The following IGF1R variants were observed in gnomAD, a reference collection of about 807,000 sequenced individuals.
The protein encoded by IGF1R is insulin-like growth factor 1 receptor.
IGF1R carries 44 observed loss-of-function variants against 144.6 expected under a neutral mutation model. That is an observed-to-expected ratio of 0.30 (90% CI 0.24 to 0.39). IGF1R has a LOEUF of 0.39. IGF1R is among the 10% of genes least tolerant of loss of function. IGF1R has a pLI of 1.00. For synonymous variants in IGF1R, 795 were observed against 722.8 expected (o/e 1.10, Z -1.60); for missense variants, 1,355 against 1,833.7 (o/e 0.74, Z 4.77).
intron 2 of IGF1R, among the ~76,000 whole-genome samples, chr15:98,763,959 G>C (rs1446361340): frequency 6.6e-6 from 1 of 152,198 alleles, no homozygotes; most frequent in Admixed American, 6.5e-5. Flanking sequence ...TTAGGAGGGG[G>C]CTGTGCTTTG....
intron 2 of IGF1R, among the ~76,000 whole-genome samples, chr15:98,854,766 A>T (rs1182207940): frequency 1.3e-5 from 2 of 152,140 alleles, no homozygotes; most frequent in African/African-American, 2.4e-5. Context: ...GACTTGAGAC[A>T]AGCTTTGAGT....
At chr15:98,785,839 A>T (rs1008936852) in intron 2 of IGF1R, among the ~76,000 whole-genome samples, 1 of 152,194 alleles carries the variant, frequency 6.6e-6, no homozygotes, top group African/African-American at 2.4e-5. Flanking sequence ...CCAATAAAGC[A>T]TCTGTATTGT....
chr15:98,755,044 A>T (rs1335665879), intron 2 of IGF1R, among the ~76,000 whole-genome samples: 1 of 152,248 alleles, frequency 6.6e-6, no homozygotes, highest in East Asian at 1.9e-4. Context: ...AAAAACAAAA[A>T]GTGATGCTAG....
At chr15:98,874,848 CTGGGTG>C (rs2012973061) in intron 2 of IGF1R, among the ~76,000 whole-genome samples, 1 of 152,216 alleles carries the variant, frequency 6.6e-6, no homozygotes, top group South Asian at 2.1e-4. Context: ...CCCAGGTCCT[CTGGGTG>C]ATTGGGGGAA....
intron 2 of IGF1R, among the ~76,000 whole-genome samples, chr15:98,805,243 G>A (rs190741311): frequency 5.9e-5 from 9 of 152,178 alleles, no homozygotes; most frequent in Non-Finnish European, 1.2e-4. Flanking sequence ...TGCTGCCAGA[G>A]TTGGCCAGCT....
chr15:98,901,585 T>G (rs976540055), intron 5 of IGF1R, among the ~76,000 whole-genome samples: 1 of 152,136 alleles, frequency 6.6e-6, no homozygotes, highest in African/African-American at 2.4e-5. Context: ...CCCTCACTTC[T>G]GCAAGAAGGG....
At chr15:98,731,781 G>A (rs1406120033) in intron 2 of IGF1R, among the ~76,000 whole-genome samples, 3 of 152,176 alleles carry the variant, frequency 2.0e-5, no homozygotes, top group African/African-American at 7.2e-5. Context: ...GTACATAGCC[G>A]TGAGCCGGTT....
chr15:98,812,870 C>T (rs531075084), intron 2 of IGF1R, among the ~76,000 whole-genome samples: 1 of 152,330 alleles, frequency 6.6e-6, no homozygotes, highest in South Asian at 2.1e-4. Flanking sequence ...TCCAGAGGAG[C>T]TGCCTTCACA....
chr15:98,933,933 A>G (rs2016041283), intron 15 of IGF1R, among the ~76,000 whole-genome samples: 1 of 152,194 alleles, frequency 6.6e-6, no homozygotes, highest in African/African-American at 2.4e-5. Flanking sequence ...AATCCTACCA[A>G]TAATGCAGTT....
intron 2 of IGF1R, among the ~76,000 whole-genome samples, chr15:98,724,268 A>C (rs2054310126): frequency 6.6e-6 from 1 of 152,156 alleles, no homozygotes; most frequent in African/African-American, 2.4e-5. Context: ...ATTTTTAAGG[A>C]GTCTCAACTT....
rs529747187 is a variant in IGF1R at position 98,758,159 on chromosome 15, A to G, written c.640+50052A>G. ...CTTCTTCTTAATCCTCCAGAATCTGATACTCTAGAGCAACAGATCTTTTCT... is the reference window on the plus strand; with the variant it reads ...CTTCTTCTTAATCCTCCAGAATCTGGTACTCTAGAGCAACAGATCTTTTCT... On this transcript the variant is annotated intron_variant, in intron 2 of 20. Transcript: ENST00000650285. Among the ~76,000 whole-genome samples, 10 of 150,456 alleles carry G rather than the reference A, an allele frequency of 6.6e-5. No individual in the cohort carries two copies. The South Asian group carries it at 2.1e-3, about 32-fold the overall frequency.
intron 2 of IGF1R, among the ~76,000 whole-genome samples, chr15:98,827,061 T>G (rs1397949173): frequency 6.6e-6 from 1 of 152,220 alleles, no homozygotes; most frequent in Non-Finnish European, 1.5e-5. Context: ...AGATTTGAAT[T>G]TGAGTACCGA....
rs187944969 is a variant in IGF1R, at chr15:98,767,907, G to A, written c.640+59800G>A. 1.4e-4 allele frequency among the ~76,000 whole-genome samples: 21 copies of A among 152,206 alleles called. No individual in the cohort carries two copies. The East Asian group carries it at 2.9e-3, about 21-fold the overall frequency. ...TCCCTGGCATTGTTTGAATACTTGC[G>A]TGTTTGTGTGTGGGGTGATGTTTTC... is the stretch of plus-strand genomic sequence containing the variant. On this transcript the variant is annotated intron_variant, in intron 2 of 20. Coordinates refer to ENST00000650285, the MANE Select transcript of IGF1R (RefSeq NM_000875.5).
At chr15:98,809,428 C>A (rs1304426519) in intron 2 of IGF1R, among the ~76,000 whole-genome samples, 1 of 152,170 alleles carries the variant, frequency 6.6e-6, no homozygotes, top group African/African-American at 2.4e-5. Context: ...TCTGCAGCCT[C>A]CCAAGTTCCG....
At chr15:98,662,933 C>A (rs2052635171) in intron 1 of IGF1R, among the ~76,000 whole-genome samples, 1 of 152,060 alleles carries the variant, frequency 6.6e-6, no homozygotes, top group Admixed American at 6.5e-5. Flanking sequence ...GCGCTGAAAC[C>A]TTTGCACCAT....
chr15:98,708,199 G>T (rs1213690216), intron 2 of IGF1R, 92 bp downstream of exon 2: 1 of 1,108,258 alleles, frequency 9.0e-7, no homozygotes, highest in Non-Finnish European at 1.4e-6. Context: ...CACGAGTTCC[G>T]CTGGGCAGGG....
intron 2 of IGF1R, among the ~76,000 whole-genome samples, chr15:98,819,603 C>T (rs2056765325): frequency 6.6e-6 from 1 of 152,090 alleles, no homozygotes; most frequent in South Asian, 2.1e-4. Context: ...TAAAAGCTAC[C>T]TAGTTTAAGG....
chr15:98,959,534 G>C lies in IGF1R; in HGVS notation c.*2092G>C, dbSNP rs905807716. ...TAGGTGGAGGCAGCACAGACGCCAC[G>C]GTGGCCCAAGAGCCCCTTTGCTTCT... On this transcript the variant is annotated 3_prime_UTR_variant, in exon 21 of 21. Transcript: ENST00000650285. The C allele has an allele frequency of 4.3e-6, 1 of 233,458 alleles. No individual in the cohort carries two copies. The highest frequency in any genetic ancestry group is 8.5e-6 in the Non-Finnish European group (1 of 118,026). The allele number at this position is 233,458 out of a possible 1,614,324, so 14.5% of individuals were successfully genotyped here. A position where few individuals can be genotyped will look rare whatever the true frequency, so the allele number is the denominator to read the frequency against.
At chr15:98,673,617 C>A (rs1178657806) in intron 1 of IGF1R, among the ~76,000 whole-genome samples, 1 of 152,196 alleles carries the variant, frequency 6.6e-6, no homozygotes, top group African/African-American at 2.4e-5. Context: ...CCACTGGATC[C>A]CCCCATGCTG....
Sources: gnomAD v4.1 joint callset for allele counts (sites outside exome capture counted in the v4.1 genomes callset) on GRCh38, gnomAD v4.1.1 for gene constraint, MANE v1.5 for transcripts, NCBI Gene and HGNC (gene_info 2026-07-23, HGNC 2026-07-21) for gene names.